The following CSNK1D variants were observed in gnomAD, a reference collection of about 807,000 sequenced individuals.
CSNK1D encodes casein kinase I isoform delta.
CSNK1D carries 16 observed loss-of-function variants against 46.6 expected under a neutral mutation model. That is an observed-to-expected ratio of 0.34 (90% CI 0.23 to 0.52). CSNK1D has a LOEUF of 0.52. Among genes scored for constraint, CSNK1D ranks in the 20% least tolerant of loss-of-function variants. The pLI, the probability that CSNK1D is intolerant of heterozygous loss-of-function variation, is 0.95. For synonymous variants in CSNK1D, 276 were observed against 228.2 expected, an observed-to-expected ratio of 1.21 and a Z score of -1.89; for missense variants, 398 against 578.4, an observed-to-expected ratio of 0.69 and a Z score of 3.20.
rs146056938 is a variant in CSNK1D, at chr17:82,243,346, G to A, written c.*1435C>T. Reference sequence around the variant, plus strand: ...GATGGGGTCCAGCCGAAGTGCCCACGAACACAGACTGCCCTGCGCATTGGG... The same window carrying A: ...GATGGGGTCCAGCCGAAGTGCCCACAAACACAGACTGCCCTGCGCATTGGG... On this transcript the variant is annotated 3_prime_UTR_variant, in exon 9 of 9. Coordinates refer to ENST00000314028, the MANE Select transcript of CSNK1D (RefSeq NM_001893.6). The A allele has an allele frequency of 8.3e-4, 820 of 985,540 alleles. 8 individuals carry two copies. In the African/African-American group the frequency reaches 0.013, roughly 16 times the overall value. 61.0% of individuals were successfully genotyped at this position (985,540 alleles called of 1,614,324 possible).
intron 8 of CSNK1D, chr17:82,247,899 A>G: frequency 1.0e-6 from 1 of 985,452 alleles, no homozygotes; most frequent in Non-Finnish European, 1.2e-6. Context: ...CGTGCAGTAA[A>G]ACCCCAATCA....
At position 82,244,350 on chromosome 17, in the gene CSNK1D, TAA is replaced by T. The variant is rs935013051; in HGVS notation, c.*429_*430del. ...GACTGCAAAAACAGACAAGAAACAA[TAA>T]AAAGACAGATTTTCTTTACACAGAT... On this transcript the variant is annotated 3_prime_UTR_variant, in exon 9 of 9. Transcript: ENST00000314028. The T allele has an allele frequency of 9.9e-5, 109 of 1,104,580 alleles. No homozygotes were observed. Among genetic ancestry groups the T allele is most frequent in the Admixed American group, 4.5e-4 (10 of 22,218 alleles). 68.4% of individuals were successfully genotyped at this position (1,104,580 alleles called of 1,614,324 possible). A position where few individuals can be genotyped will look rare whatever the true frequency, so the allele number is the denominator to read the frequency against.
In CSNK1D at chr17:82,249,559, T is replaced by C; in HGVS notation, c.929A>G (p.Asp310Gly). ...AADDAERERR[D>G]REERLRHSRN... Reference sequence around the variant, plus strand: ...CGAGTGTCTCAGCCGCTCCTCTCGGTCCCTGCGCTCCCGCTCGGCGTCATC... The same window carrying C: ...CGAGTGTCTCAGCCGCTCCTCTCGGCCCCTGCGCTCCCGCTCGGCGTCATC... The change falls in exon 7 of 9, where the codon GAC becomes GGC. Residue 310 changes from aspartate (D) to glycine (G), a missense_variant. By Grantham distance (94) the Asp-to-Gly change is moderately conservative (BLOSUM62 -1). This residue lies in a region of CSNK1D where 181 missense variants were observed against 208.0 expected (regional missense o/e 0.87). Transcript: ENST00000314028. This position sits in a 1 kb window ranked among gnomAD's most constrained non-coding sequence, Gnocchi z 6.7. 2 of 1,551,788 alleles carry C rather than the reference T, an allele frequency of 1.3e-6. No individual in the cohort carries two copies. The highest frequency in any genetic ancestry group is 1.7e-6 in the Non-Finnish European group (2 of 1,151,154).
In CSNK1D at chr17:82,265,736, T is replaced by C. The variant is rs397514693; in HGVS notation, c.137A>G (p.His46Arg). The C allele has an allele frequency of 6.2e-7, 1 of 1,614,162 alleles. No homozygotes were observed. Among genetic ancestry groups the C allele is most frequent in the Non-Finnish European group, 8.5e-7 (1 of 1,180,014 alleles). ...TTTGCTCTCAATGTGGAGCTGAGGG[T>C]GTTTGGTTTTGACACATTCAAGCTT... is the stretch of plus-strand genomic sequence containing the variant. ...AIKLECVKTKHPQLHIESKIY... is the reference protein window; with the variant it reads ...AIKLECVKTKRPQLHIESKIY... The change falls in exon 2 of 9, where the codon CAC becomes CGC. Residue 46 changes from histidine (H) to arginine (R), a missense_variant. Coordinates refer to ENST00000314028, the MANE Select transcript of CSNK1D (RefSeq NM_001893.6).
Position 82,243,355 on chromosome 17 carries a change from C to G in CSNK1D, c.*1426G>C. The G allele has an allele frequency of 2.0e-6, 2 of 985,566 alleles. No individual in the cohort carries two copies. The highest frequency in any genetic ancestry group is 2.4e-6 in the Non-Finnish European group (2 of 830,000). The allele number at this position is 985,566 out of a possible 1,614,324, so 61.1% of individuals were successfully genotyped here. ...CAGCCGAAGTGCCCACGAACACAGA[C>G]TGCCCTGCGCATTGGGGTTGGGAGC... On this transcript the variant is annotated 3_prime_UTR_variant, in exon 9 of 9. Transcript: ENST00000314028.
At position 82,243,965 on chromosome 17, in the gene CSNK1D, G is replaced by A; in HGVS notation, c.*816C>T. The A allele has an allele frequency of 2.0e-6, 2 of 985,818 alleles. No individual in the cohort carries two copies. The highest frequency in any genetic ancestry group is 2.4e-6 in the Non-Finnish European group (2 of 830,198). 61.1% of individuals were successfully genotyped at this position (985,818 alleles called of 1,614,324 possible). On this transcript the variant is annotated 3_prime_UTR_variant, in exon 9 of 9. Coordinates refer to ENST00000314028, the MANE Select transcript of CSNK1D (RefSeq NM_001893.6). ...AGCTGCCTGCCCACCTCCTGGGGAA[G>A]AAGCGCGCAGTGCTTTGCCTGGTAA...
downstream of CSNK1D, among the ~76,000 whole-genome samples, chr17:82,241,893 C>A (rs571218988): frequency 5.9e-5 from 9 of 152,344 alleles, no homozygotes; most frequent in African/African-American, 1.2e-4. Flanking sequence ...GGGACAGCCC[C>A]GGAACGTGGG....
At chr17:82,246,385 G>A (rs1292678082) in intron 8 of CSNK1D, 2 of 1,255,218 alleles carry the variant, frequency 1.6e-6, no homozygotes, top group Non-Finnish European at 1.0e-6. Flanking sequence ...CCTGAAGGCA[G>A]GGGAGACGCA....
chr17:82,257,795 A>G (rs2051212359), intron 2 of CSNK1D, among the ~76,000 whole-genome samples: 1 of 152,246 alleles, frequency 6.6e-6, no homozygotes, highest in Non-Finnish European at 1.5e-5. Flanking sequence ...GACATTCTCA[A>G]TGTCCGGCAT....
At position 82,253,096 on chromosome 17, in the gene CSNK1D, T is replaced by G; in HGVS notation, c.485A>C (p.His162Pro). ...LAKKYRDART[H>P]QHIPYRENKN... is the part of the protein sequence containing the mutation. ...GTTCTCACGATAGGGGATGTGCTGG[T>G]GGGTGCGTGCATCCCGGTACTTCTT... Residue 162 changes from histidine (H) to proline (P), a missense_variant, in exon 4 of 9, where the codon CAC (histidine) becomes CCC (proline). Transcript: ENST00000314028. 6.2e-7 allele frequency: 1 copy of G among 1,614,208 alleles called. No individual in the cohort carries two copies. Among genetic ancestry groups the G allele is most frequent in the Non-Finnish European group, 8.5e-7 (1 of 1,180,030 alleles).
intron 8 of CSNK1D, chr17:82,247,829 C>T (rs906675887): frequency 1.0e-6 from 1 of 985,472 alleles, no homozygotes; most frequent in Non-Finnish European, 1.2e-6. Flanking sequence ...TCTTTGGTCT[C>T]TTTGGGAAGA....
intron 2 of CSNK1D, among the ~76,000 whole-genome samples, chr17:82,259,796 T>C (rs955091304): frequency 3.9e-5 from 6 of 152,260 alleles, no homozygotes; most frequent in African/African-American, 1.4e-4. Flanking sequence ...AGGAATACTC[T>C]GGGTCAAAGA....
intron 1 of CSNK1D, among the ~76,000 whole-genome samples, chr17:82,267,930 T>A (rs1189303401): frequency 6.6e-6 from 1 of 152,246 alleles, no homozygotes; most frequent in Non-Finnish European, 1.5e-5. Flanking sequence ...ATAAAGCTAA[T>A]GTCTGCCAGT....
intron 2 of CSNK1D, among the ~76,000 whole-genome samples, chr17:82,264,094 G>A (rs889222381): frequency 6.6e-6 from 1 of 152,220 alleles, no homozygotes; most frequent in Non-Finnish European, 1.5e-5. Flanking sequence ...CACAGATTAC[G>A]TGCTTGTGCT....
At position 82,251,213 on chromosome 17, in the gene CSNK1D, G is replaced by A. The variant is rs765900043; in HGVS notation, c.885+166C>T. 66 of 764,794 alleles carry A rather than the reference G, an allele frequency of 8.6e-5. No individual in the cohort carries two copies. The highest frequency in any genetic ancestry group is 1.3e-4 in the Non-Finnish European group (62 of 463,472). The allele number at this position is 764,794 out of a possible 1,614,324, so 47.4% of individuals were successfully genotyped here. ...TACTTCTTGGCACCCCTTTCTGGCA[G>A]GCAGACACCCACTCAGTCCAGGTCC... is the stretch of plus-strand genomic sequence containing the variant. On this transcript the variant is annotated intron_variant, in intron 6 of 8. Coordinates refer to ENST00000314028, the MANE Select transcript of CSNK1D (RefSeq NM_001893.6). This position sits in a 1 kb window ranked among gnomAD's most constrained non-coding sequence, Gnocchi z 4.5.
At chr17:82,242,412 G>A (rs962102903), downstream of CSNK1D, among the ~76,000 whole-genome samples, 7 of 152,160 alleles carry the variant, frequency 4.6e-5, no homozygotes, top group Non-Finnish European at 8.8e-5. Context: ...CTCCAGAACC[G>A]TCACACAGAA....
chr17:82,241,064 G>A (rs1372989148), downstream of CSNK1D, among the ~76,000 whole-genome samples: 13 of 152,126 alleles, frequency 8.5e-5, no homozygotes, highest in East Asian at 3.9e-4. Context: ...CAGGTCTACC[G>A]TGTTGTGAAG....
downstream of CSNK1D, among the ~76,000 whole-genome samples, chr17:82,240,807 T>TGG (rs1170752464): frequency 6.6e-6 from 1 of 152,114 alleles, no homozygotes; most frequent in African/African-American, 2.4e-5. Context: ...GTGTGGGGGC[T>TGG]GGGGTCCCTG....
Position 82,249,424 on chromosome 17 carries a change from C to A in CSNK1D, c.1057+7G>T. The A allele has an allele frequency of 6.5e-7, 1 of 1,533,898 alleles. No individual in the cohort carries two copies. Among genetic ancestry groups the A allele is most frequent in the South Asian group, 1.2e-5 (1 of 83,864 alleles). On this transcript the variant is annotated splice_region_variant and intron_variant, in intron 7 of 8. Transcript: ENST00000314028. The surrounding 1 kb of genome is among the most constrained non-coding windows in gnomAD (Gnocchi z 6.7). ...CAGCCCCAGAGCGCTGGGAGGGGGGCACTCACCCGTGTGTGAGGTAGGGGT... is the reference window on the plus strand; with the variant it reads ...CAGCCCCAGAGCGCTGGGAGGGGGGAACTCACCCGTGTGTGAGGTAGGGGT...
Sources: allele counts gnomAD v4.1 joint callset (sites outside exome capture counted in the v4.1 genomes callset), GRCh38; gene constraint gnomAD v4.1.1; regional missense constraint gnomAD v4.1.1; non-coding constraint Gnocchi (gnomAD v3.1); transcripts MANE v1.5; gene names NCBI Gene and HGNC (gene_info 2026-07-23, HGNC 2026-07-21).